YLPM1: variants seen among roughly 807,000 people sequenced by gnomAD.
YLPM1 encodes the protein YLP motif-containing protein 1.
Under a neutral mutation model 230.0 loss-of-function variants are expected in YLPM1, and 99 were observed. The ratio of observed to expected loss-of-function variants is 0.43; its 90% CI spans 0.37 to 0.51. The LOEUF (loss-of-function observed/expected upper bound fraction) is 0.51, where lower values mean the gene tolerates loss of function less well. Ranked by LOEUF, YLPM1 falls within the 20% of genes least tolerant of loss-of-function variation. YLPM1 has a pLI of 0.00. For synonymous variants in YLPM1, 984 were observed against 942.5 expected, an observed-to-expected ratio of 1.04 and a Z score of -0.81; for missense variants, 2,592 against 2,707.7, an observed-to-expected ratio of 0.96 and a Z score of 0.95.
In YLPM1 at chr14:74,780,496, A is replaced by C; in HGVS notation, c.1202A>C (p.Gln401Pro). 1 of 1,614,016 alleles carries C rather than the reference A, an allele frequency of 6.2e-7. No homozygotes were observed. Among genetic ancestry groups the C allele is most frequent in the African/African-American group, 1.3e-5 (1 of 75,044 alleles). The change falls in exon 3 of 21, where the codon CAG (glutamine) becomes CCG (proline). Residue 401 changes from glutamine (Q) to proline (P), a missense_variant. Coordinates refer to ENST00000325680, the MANE Select transcript of YLPM1 (RefSeq NM_019589.3). ...QQHQQHRVGF[Q>P]YQGIMQKHTQ... ...CACCAGCAGCATCGAGTCGGTTTCC[A>C]GTATCAGGGAATAATGCAGAAGCAC... is the stretch of plus-strand genomic sequence containing the variant.
At chr14:74,794,462 G>C (rs556271216) in intron 4 of YLPM1, among the ~76,000 whole-genome samples, 3 of 152,172 alleles carry the variant, frequency 2.0e-5, no homozygotes, top group African/African-American at 7.2e-5. Context: ...GATTACAGGC[G>C]TGAGCCACCG....
Position 74,764,024 on chromosome 14 carries a change from T to C in YLPM1, c.535T>C (p.Ser179Pro). The change falls in exon 1 of 21, where the codon TCA becomes CCA. Residue 179 changes from serine (S) to proline (P), a missense_variant. By Grantham distance (74) the Ser-to-Pro change is moderately conservative. Transcript: ENST00000325680. ...QPPPSYYPPT[S>P]SQPYLPPAQP... ...GCCACCCTCTTACTACCCCCCGACCTCATCTCAGCCCTACCTGCCTCCTGC... is the reference window on the plus strand; with the variant it reads ...GCCACCCTCTTACTACCCCCCGACCCCATCTCAGCCCTACCTGCCTCCTGC... 1.3e-6 allele frequency: 2 copies of C among 1,550,712 alleles called. No individual in the cohort carries two copies. Among genetic ancestry groups the C allele is most frequent in the Non-Finnish European group, 1.7e-6 (2 of 1,148,838 alleles).
intron 16 of YLPM1, among the ~76,000 whole-genome samples, chr14:74,819,117 A>T (rs2091501140): frequency 6.6e-6 from 1 of 152,134 alleles, no homozygotes; most frequent in Admixed American, 6.6e-5. Context: ...ATCTGTAGGG[A>T]GATACTCTTA....
intron 18 of YLPM1, among the ~76,000 whole-genome samples, chr14:74,824,628 T>C (rs2091548633): frequency 6.6e-6 from 1 of 152,110 alleles, no homozygotes; most frequent in South Asian, 2.1e-4. Flanking sequence ...GATTTCTTTT[T>C]TAAAGAATAT....
chr14:74,823,230 T>C (rs537799492), intron 17 of YLPM1, among the ~76,000 whole-genome samples: 16 of 152,184 alleles, frequency 1.1e-4, no homozygotes, highest in Non-Finnish European at 2.2e-4. Context: ...GTGTGTCAGT[T>C]TGTTTCATGA....
intron 1 of YLPM1, among the ~76,000 whole-genome samples, chr14:74,771,151 A>C (rs991723515): frequency 7.2e-5 from 11 of 152,164 alleles, no homozygotes; most frequent in African/African-American, 1.7e-4. Context: ...TGAGGAGAAA[A>C]TCATGAGTTA....
At chr14:74,772,852 A>G (rs570749322) in intron 1 of YLPM1, among the ~76,000 whole-genome samples, 101 of 152,298 alleles carry the variant, frequency 6.6e-4, no homozygotes, top group African/African-American at 2.4e-3. Flanking sequence ...AGGGATGATC[A>G]CACTTCTCTT....
chr14:74,825,346 G>A (rs557054219), intron 18 of YLPM1, among the ~76,000 whole-genome samples: 8 of 152,026 alleles, frequency 5.3e-5, no homozygotes, highest in Non-Finnish European at 7.4e-5. Flanking sequence ...ACAGTTCCAC[G>A]GACTTTATTA....
At chr14:74,833,026 A>G (rs2091619562) in intron 19 of YLPM1, among the ~76,000 whole-genome samples, 1 of 142,876 alleles carries the variant, frequency 7.0e-6, no homozygotes, top group Non-Finnish European at 1.5e-5. Context: ...TGGGCTGTTT[A>G]CTTTTTCTTT....
chr14:74,803,760 C>T (rs2091351125), intron 6 of YLPM1, among the ~76,000 whole-genome samples: 1 of 152,154 alleles, frequency 6.6e-6, no homozygotes, highest in Non-Finnish European at 1.5e-5. Flanking sequence ...ATTTGTCCTA[C>T]CCTGCTGCTG....
Position 74,780,470 on chromosome 14 carries a change from G to C in YLPM1, c.1176G>C (p.Gln392His). 1 of 1,613,960 alleles carries C rather than the reference G, an allele frequency of 6.2e-7. No individual in the cohort carries two copies. Among genetic ancestry groups the C allele is most frequent in the Non-Finnish European group, 8.5e-7 (1 of 1,179,872 alleles). ...QLQAAAAHWQ[Q>H]HQQHRVGFQY... ...AGGCTGCAGCAGCACACTGGCAGCAGCACCAGCAGCATCGAGTCGGTTTCC... is the reference window on the plus strand; with the variant it reads ...AGGCTGCAGCAGCACACTGGCAGCACCACCAGCAGCATCGAGTCGGTTTCC... Residue 392 changes from glutamine to histidine, a missense_variant, in exon 3 of 21, where the codon CAG becomes CAC. Transcript: ENST00000325680.
At chr14:74,816,775 A>G in intron 13 of YLPM1, 85 bp downstream of exon 13, 1 of 1,493,650 alleles carries the variant, frequency 6.7e-7, no homozygotes, top group Non-Finnish European at 8.9e-7. Context: ...GGCTTTTTTG[A>G]GGGCAGGGAC....
chr14:74,835,060 A>G, intron 19 of YLPM1: 1 of 557,040 alleles, frequency 1.8e-6, no homozygotes, highest in South Asian at 2.7e-5. Flanking sequence ...AGGAGCTGGA[A>G]TGGTTAGGAC....
At chr14:74,825,345 CG>C (rs2091553412) in intron 18 of YLPM1, among the ~76,000 whole-genome samples, 1 of 152,058 alleles carries the variant, frequency 6.6e-6, no homozygotes, top group Admixed American at 6.6e-5. Context: ...GACAGTTCCA[CG>C]GACTTTATTA....
chr14:74,782,289 C>G lies in YLPM1; in HGVS notation c.2246C>G (p.Pro749Arg). The G allele has an allele frequency of 6.5e-7, 1 of 1,542,608 alleles. No individual in the cohort carries two copies. The highest frequency in any genetic ancestry group is 1.4e-5 in the African/African-American group (1 of 72,618). ...TCAGGTGGCCTGCTTCCAGATCCTC[C>G]TAGAAGTAGTTACTTGGAAAGTCCA... ...VRSGGLLPDP[P>R]RSSYLESPRG... The change falls in exon 4 of 21, where the codon CCT becomes CGT. Residue 749 changes from proline to arginine, a missense_variant. Pro to Arg is a moderately radical substitution (Grantham distance 103). Coordinates refer to ENST00000325680, the MANE Select transcript of YLPM1 (RefSeq NM_019589.3).
At chr14:74,777,566 CA>C (rs1220967010) in intron 1 of YLPM1, among the ~76,000 whole-genome samples, 393 of 130,996 alleles carry the variant, frequency 3.0e-3, no homozygotes, top group African/African-American at 2.9e-3. Flanking sequence ...GACTCCATCT[CA>C]AAAAAAAAAA....
At chr14:74,807,866 T>C (rs190317115) in intron 6 of YLPM1, among the ~76,000 whole-genome samples, 4 of 152,380 alleles carry the variant, frequency 2.6e-5, no homozygotes, top group Admixed American at 2.6e-4. Flanking sequence ...GAGATAGGTC[T>C]CTAGAGTAGG....
intron 5 of YLPM1, among the ~76,000 whole-genome samples, chr14:74,802,350 A>C (rs1355792314): frequency 2.0e-5 from 3 of 152,160 alleles, no homozygotes; most frequent in Non-Finnish European, 4.4e-5. Flanking sequence ...ATAATTTATA[A>C]TTATTTATAT....
chr14:74,804,681 C>T (rs1566755911), intron 6 of YLPM1, among the ~76,000 whole-genome samples: 1 of 152,168 alleles, frequency 6.6e-6, no homozygotes, highest in Non-Finnish European at 1.5e-5. Flanking sequence ...TTGTACTAGT[C>T]TTTGTTGTCA....
Sources: allele counts gnomAD v4.1 joint callset (sites outside exome capture counted in the v4.1 genomes callset), GRCh38; gene constraint gnomAD v4.1.1; transcripts MANE v1.5; gene names NCBI Gene and HGNC (gene_info 2026-07-23, HGNC 2026-07-21).